FLRT2: variants seen among roughly 807,000 people sequenced by gnomAD.
FLRT2 encodes leucine-rich repeat transmembrane protein FLRT2.
Under a neutral mutation model 40.0 loss-of-function variants are expected in FLRT2, and 15 were observed. The ratio of observed to expected loss-of-function variants is 0.38; its 90% CI spans 0.25 to 0.58. FLRT2 has a LOEUF of 0.58. FLRT2 is among the 20% of genes least tolerant of loss of function. FLRT2 has a pLI of 0.71. For missense variants in FLRT2, 726 were observed against 840.0 expected, an observed-to-expected ratio of 0.86 and a Z score of 1.68; for synonymous variants, 380 against 336.8, an observed-to-expected ratio of 1.13 and a Z score of -1.41.
intron 1 of FLRT2, among the ~76,000 whole-genome samples, chr14:85,575,970 C>T (rs539744200): frequency 1.3e-5 from 2 of 152,236 alleles, no homozygotes; most frequent in Admixed American, 6.5e-5. Context: ...ACCTTAATTC[C>T]CTCTTGCCTT....
intron 1 of FLRT2, among the ~76,000 whole-genome samples, chr14:85,574,781 G>A (rs530269548): frequency 9.9e-5 from 15 of 152,254 alleles, no homozygotes; most frequent in African/African-American, 3.6e-4. Context: ...GTATCTTGAT[G>A]TGAGGTGTGT....
In FLRT2 at chr14:85,650,023, A is replaced by G. The variant is rs1894396021; in HGVS notation, c.*26526A>G. 6.6e-6 allele frequency: 1 copy of G among 152,000 alleles called. No individual in the cohort carries two copies. 9.4% of individuals were successfully genotyped at this position (152,000 alleles called of 1,614,324 possible). A position where few individuals can be genotyped will look rare whatever the true frequency, so the allele number is the denominator to read the frequency against. ...TCAACCAGCTTTGTCTGAAATTAAT[A>G]TCATCCTAAATTTGCTTCATTGCTT... On this transcript the variant is annotated 3_prime_UTR_variant, in exon 2 of 2. Transcript: ENST00000330753.
At chr14:85,578,033 T>C (rs561164077) in intron 1 of FLRT2, among the ~76,000 whole-genome samples, 9 of 151,172 alleles carry the variant, frequency 6.0e-5, no homozygotes, top group African/African-American at 1.9e-4. Context: ...GTTTCTAATG[T>C]TGCATCCACT....
intron 1 of FLRT2, among the ~76,000 whole-genome samples, chr14:85,535,536 ACCAG>A (rs1464506994): frequency 6.6e-6 from 1 of 152,222 alleles, no homozygotes; most frequent in African/African-American, 2.4e-5. Flanking sequence ...CGGGCAAGCC[ACCAG>A]CCACCATATT....
chr14:85,618,482 C>T (rs1030817267), intron 1 of FLRT2, among the ~76,000 whole-genome samples: 11 of 152,090 alleles, frequency 7.2e-5, no homozygotes, highest in Non-Finnish European at 1.3e-4. Context: ...AAGTGGGCTC[C>T]GGTGATGACA....
At chr14:85,578,935 A>G (rs1382670746) in intron 1 of FLRT2, among the ~76,000 whole-genome samples, 1 of 152,206 alleles carries the variant, frequency 6.6e-6, no homozygotes, top group Admixed American at 6.5e-5. Context: ...GAAATATTTG[A>G]GCAGCAGAAA....
At chr14:85,539,684 T>G (rs577977497) in intron 1 of FLRT2, among the ~76,000 whole-genome samples, 1 of 152,344 alleles carries the variant, frequency 6.6e-6, no homozygotes, top group Non-Finnish European at 1.5e-5. Flanking sequence ...CACATAAGAT[T>G]AATGTGTGTG....
intron 1 of FLRT2, among the ~76,000 whole-genome samples, chr14:85,578,923 G>A (rs1297664810): frequency 1.3e-5 from 2 of 152,130 alleles, no homozygotes; most frequent in African/African-American, 4.8e-5. Context: ...TTGCAAACTT[G>A]GGAAATATTT....
rs1047857414 is a variant in FLRT2, at chr14:85,599,573, T to C, written c.-376-21566T>C. On this transcript the variant is annotated intron_variant, in intron 1 of 1. Transcript: ENST00000330753. ...GTGTTTTCCTCTATACCACATTGGA[T>C]TGAAGAAAGAAGTTTTAAGTTAGTC... Among the ~76,000 whole-genome samples the C allele has an allele frequency of 2.6e-5, 4 of 152,186 alleles. 1 individual carries two copies. The highest frequency in any genetic ancestry group is 3.9e-4 in the East Asian group (2 of 5,176).
chr14:85,618,977 T>C (rs1429676110), intron 1 of FLRT2, among the ~76,000 whole-genome samples: 1 of 152,182 alleles, frequency 6.6e-6, no homozygotes, highest in Non-Finnish European at 1.5e-5. Flanking sequence ...ACCTCAGTTA[T>C]ATAAATTATT....
In FLRT2 at chr14:85,622,978, C is replaced by T. The variant is rs750093161; in HGVS notation, c.1464C>T (p.Thr488=). The change falls in exon 2 of 2, where the codon ACC becomes ACT. Residue 488 remains threonine (T), a synonymous_variant. Transcript: ENST00000330753. ...LSLVNLEPRS[T]YRICLVPLDA... ...TGGTTAACTTAGAGCCCCGATCCAC[C>T]TATCGGATTTGTTTAGTGCCACTGG... The T allele has an allele frequency of 9.3e-6, 15 of 1,614,072 alleles. No homozygotes were observed. The highest frequency in any genetic ancestry group is 1.3e-5 in the Non-Finnish European group (15 of 1,180,040).
At position 85,648,112 on chromosome 14, in the gene FLRT2, C is replaced by T. The variant is rs774203375; in HGVS notation, c.*24615C>T. The T allele has an allele frequency of 2.0e-5, 3 of 152,138 alleles. No homozygotes were observed. The highest frequency in any genetic ancestry group is 4.4e-5 in the Non-Finnish European group (3 of 67,986). The allele number at this position is 152,138 out of a possible 1,614,324, so 9.4% of individuals were successfully genotyped here. A position where few individuals can be genotyped will look rare whatever the true frequency, so the allele number is the denominator to read the frequency against. ...ATTGGAATTGAAGGTTAAAGAAAAC[C>T]CAGCTATAGATTCAGTGACTAACAA... On this transcript the variant is annotated 3_prime_UTR_variant, in exon 2 of 2. Coordinates refer to ENST00000330753, the MANE Select transcript of FLRT2 (RefSeq NM_013231.6).
Position 85,621,965 on chromosome 14 carries a change from G to C in FLRT2, c.451G>C (p.Glu151Gln). Residue 151 changes from glutamate to glutamine, a missense_variant, in exon 2 of 2, where the codon GAA becomes CAA. Glu to Gln is a conservative substitution (Grantham distance 29, BLOSUM62 2). Around this residue, in one of 3 missense-constraint regions of FLRT2, gnomAD observed 611 missense variants for 690.0 expected, o/e 0.89. Coordinates refer to ENST00000330753, the MANE Select transcript of FLRT2 (RefSeq NM_013231.6). The stretch of plus-strand genomic sequence containing the variant: ...CAACTCCATATCCACAGTGGGGGTG[G>C]AAGACGGGGCCTTCCGGGAGGCTAT... ...DDNSISTVGV[E>Q]DGAFREAISL... The C allele has an allele frequency of 6.2e-7, 1 of 1,600,648 alleles. No individual in the cohort carries two copies. Among genetic ancestry groups the C allele is most frequent in the Non-Finnish European group, 8.5e-7 (1 of 1,173,388 alleles).
chr14:85,533,780 C>T (rs1305158004), intron 1 of FLRT2, among the ~76,000 whole-genome samples: 1 of 151,578 alleles, frequency 6.6e-6, no homozygotes, highest in Admixed American at 6.6e-5. Context: ...GCCCCGGCCC[C>T]GGCCCGCTGC....
intron 1 of FLRT2, among the ~76,000 whole-genome samples, chr14:85,567,627 T>C (rs1221727097): frequency 6.9e-6 from 1 of 144,106 alleles, no homozygotes; most frequent in Admixed American, 7.4e-5. Context: ...ACACGGGAAG[T>C]GACTTACATT....
chr14:85,608,447 T>C (rs1421181403), intron 1 of FLRT2, among the ~76,000 whole-genome samples: 2 of 152,082 alleles, frequency 1.3e-5, no homozygotes, highest in African/African-American at 2.4e-5. Flanking sequence ...TTGACCAGGC[T>C]GGTCTTGAAC....
intron 1 of FLRT2, among the ~76,000 whole-genome samples, chr14:85,597,703 T>TGTGC (rs1892202904): frequency 6.6e-6 from 1 of 152,210 alleles, no homozygotes; most frequent in Admixed American, 6.5e-5. Context: ...ATTACAGGCA[T>TGTGC]ATGCCACCTT....
At position 85,623,652 on chromosome 14, in the gene FLRT2, T is replaced by TGGG; in HGVS notation, c.*156_*158dup. ...GTAATTTATACGGTGTACTATATAATGGGATTTAAAAAAAGTGCTATCTTT... is the reference window on the plus strand; with the variant it reads ...GTAATTTATACGGTGTACTATATAATGGGGGGATTTAAAAAAAGTGCTATCTTT... On this transcript the variant is annotated 3_prime_UTR_variant, in exon 2 of 2. Transcript: ENST00000330753. 1 of 551,198 alleles carries TGGG rather than the reference T, an allele frequency of 1.8e-6. No homozygotes were observed. Among genetic ancestry groups the TGGG allele is most frequent in the Non-Finnish European group, 3.0e-6 (1 of 337,868 alleles). The allele number at this position is 551,198 out of a possible 1,614,324, so 34.1% of individuals were successfully genotyped here. A position where few individuals can be genotyped will look rare whatever the true frequency, so the allele number is the denominator to read the frequency against.
chr14:85,578,354 A>AT (rs1405123026), intron 1 of FLRT2, among the ~76,000 whole-genome samples: 3 of 151,970 alleles, frequency 2.0e-5, no homozygotes, highest in Non-Finnish European at 4.4e-5. Context: ...ACCAAAAAAA[A>AT]TCACAGGCTC....
Sources: gnomAD v4.1 joint callset for allele counts (sites outside exome capture counted in the v4.1 genomes callset) on GRCh38, gnomAD v4.1.1 for gene constraint, gnomAD v4.1.1 regional missense constraint, MANE v1.5 for transcripts, NCBI Gene and HGNC (gene_info 2026-07-23, HGNC 2026-07-21) for gene names.